Variants in AHI1 observed in about 807,000 individuals in gnomAD.
AHI1 encodes jouberin.
A neutral mutation model predicts 149.3 loss-of-function variants in AHI1; 123 were observed. The ratio of observed to expected loss-of-function variants is 0.82; its 90% confidence interval spans 0.71 to 0.96. The LOEUF (loss-of-function observed/expected upper bound fraction) is 0.96. AHI1 is among the 40% of genes least tolerant of loss of function. The pLI is 0.00. For missense variants in AHI1, 1,439 were observed against 1,422.7 expected (o/e 1.01, Z -0.18); for synonymous variants, 475 against 459.8 (o/e 1.03, Z -0.42).
At chr6:135,443,757 T>C (rs1014390725) in intron 13 of AHI1, among the ~76,000 whole-genome samples, 4 of 152,184 alleles carry the variant, frequency 2.6e-5, no homozygotes, top group East Asian at 1.9e-4. Flanking sequence ...GTGTCAATCA[T>C]GTACCAGACT....
At chr6:135,412,602 T>C (rs1781764467) in intron 20 of AHI1, among the ~76,000 whole-genome samples, 1 of 152,256 alleles carries the variant, frequency 6.6e-6, no homozygotes, top group Non-Finnish European at 1.5e-5. Context: ...CTGCACTTTG[T>C]ATTTTTTGGG....
At chr6:135,452,725 T>C (rs1450515010) in intron 11 of AHI1, among the ~76,000 whole-genome samples, 1 of 152,078 alleles carries the variant, frequency 6.6e-6, no homozygotes, top group Admixed American at 6.6e-5. Flanking sequence ...TCTTCTCCCC[T>C]TAGTCTCTGT....
intron 8 of AHI1, among the ~76,000 whole-genome samples, chr6:135,461,384 G>A (rs1165276539): frequency 6.6e-6 from 1 of 152,006 alleles, no homozygotes; most frequent in Non-Finnish European, 1.5e-5. Flanking sequence ...CCTGAAGAAT[G>A]AGGAAAATTT....
intron 20 of AHI1, among the ~76,000 whole-genome samples, chr6:135,423,608 T>C (rs1219266298): frequency 6.6e-6 from 1 of 152,142 alleles, no homozygotes; most frequent in Non-Finnish European, 1.5e-5. Context: ...TTTAGAAATG[T>C]AATCAACTAC....
intron 23 of AHI1, among the ~76,000 whole-genome samples, chr6:135,390,495 C>G (rs970927579): frequency 6.6e-6 from 1 of 152,142 alleles, no homozygotes. Context: ...GCCCACTTAG[C>G]AATGTGGCAG....
chr6:135,438,707 T>C (rs1362568908), intron 14 of AHI1, among the ~76,000 whole-genome samples: 3 of 152,140 alleles, frequency 2.0e-5, no homozygotes, highest in African/African-American at 7.2e-5. Context: ...AATTTTCAGT[T>C]ATAATTTTGC....
chr6:135,351,855 C>T (rs1792162599), intron 24 of AHI1, among the ~76,000 whole-genome samples: 1 of 152,154 alleles, frequency 6.6e-6, no homozygotes, highest in African/African-American at 2.4e-5. Flanking sequence ...AAAGACTGGA[C>T]CTGCGCCTCC....
chr6:135,330,786 T>G (rs1008061604), intron 24 of AHI1, among the ~76,000 whole-genome samples: 1 of 152,254 alleles, frequency 6.6e-6, no homozygotes, highest in African/African-American at 2.4e-5. Context: ...TGCTTGTATT[T>G]CAGCGTTTTT....
intron 26 of AHI1, among the ~76,000 whole-genome samples, chr6:135,304,404 C>T (rs1784290352): frequency 6.6e-6 from 1 of 152,236 alleles, no homozygotes; most frequent in South Asian, 2.1e-4. Flanking sequence ...TTAAATCCTC[C>T]AATTATAATG....
At chr6:135,384,363 T>C (rs907660188) in intron 23 of AHI1, among the ~76,000 whole-genome samples, 4 of 152,200 alleles carry the variant, frequency 2.6e-5, no homozygotes, top group African/African-American at 9.7e-5. Flanking sequence ...AACCTTTCAC[T>C]TGTAGTAAAC....
Position 135,490,763 on chromosome 6 carries a change from C to T in AHI1, c.11-16G>A. On this transcript the variant is annotated splice_polypyrimidine_tract_variant and intron_variant, in intron 4 of 28. Transcript: ENST00000265602. ...TCACTCTCAGCTACAAAAGATACAG[C>T]CATGTGATTTTGTAAATGACTCTAT... is the stretch of plus-strand genomic sequence containing the variant. 6.2e-7 allele frequency: 1 copy of T among 1,610,288 alleles called. No homozygotes were observed.
At chr6:135,429,374 T>C (rs1017379606) in intron 18 of AHI1, among the ~76,000 whole-genome samples, 2 of 151,648 alleles carry the variant, frequency 1.3e-5, no homozygotes, top group Non-Finnish European at 1.5e-5. Context: ...TCCATGTTGA[T>C]TTTCCCAGAA....
chr6:135,484,491 C>T (rs1208696320), intron 5 of AHI1, among the ~76,000 whole-genome samples: 1 of 151,462 alleles, frequency 6.6e-6, no homozygotes, highest in East Asian at 1.9e-4. Context: ...TTTTTTCATT[C>T]CTTTTGCTCA....
intron 26 of AHI1, chr6:135,301,806 G>C (rs766562345): frequency 2.4e-5 from 24 of 985,390 alleles, no homozygotes; most frequent in Non-Finnish European, 2.9e-5. Flanking sequence ...TGGGAAAAAA[G>C]TACATACACA....
At chr6:135,360,048 G>C (rs1367051649) in intron 23 of AHI1, among the ~76,000 whole-genome samples, 9 of 152,122 alleles carry the variant, frequency 5.9e-5, no homozygotes, top group African/African-American at 1.9e-4. Flanking sequence ...ATACAATCAT[G>C]CATGTTTGTT....
At chr6:135,494,293 C>T (rs914654579) in intron 3 of AHI1, among the ~76,000 whole-genome samples, 2 of 152,122 alleles carry the variant, frequency 1.3e-5, no homozygotes, top group Admixed American at 6.5e-5. Flanking sequence ...AGAACAGTAC[C>T]GTAGACAGAA....
chr6:135,353,693 C>G (rs1296668884), intron 24 of AHI1, among the ~76,000 whole-genome samples: 4 of 151,980 alleles, frequency 2.6e-5, no homozygotes, highest in African/African-American at 7.2e-5. Context: ...CCAAGAGATT[C>G]AGGATAAAAT....
At chr6:135,372,516 AAG>A (rs1276528893) in intron 23 of AHI1, among the ~76,000 whole-genome samples, 1,442 of 105,786 alleles carry the variant, frequency 0.014, 24 homozygotes, top group African/African-American at 0.04. Context: ...CGGAAAAAAA[AAG>A]AAAAAAAAAA....
intron 24 of AHI1, among the ~76,000 whole-genome samples, chr6:135,336,234 A>G (rs1789368414): frequency 6.6e-6 from 1 of 152,198 alleles, no homozygotes; most frequent in South Asian, 2.1e-4. Context: ...ATGGAGCTGA[A>G]AAATTCCTAT....
Sources: allele counts gnomAD v4.1 joint callset (sites outside exome capture counted in the v4.1 genomes callset), GRCh38; gene constraint gnomAD v4.1.1; transcripts MANE v1.5; gene names NCBI Gene and HGNC (gene_info 2026-07-23, HGNC 2026-07-21).